Variants in MAP2K5 observed in about 807,000 individuals in gnomAD.
MAP2K5 encodes mitogen-activated protein kinase kinase 5.
MAP2K5 carries 49 observed loss-of-function variants against 83.1 expected under a neutral mutation model. The observed-to-expected ratio is 0.59, with a 90% CI of 0.47 to 0.75. The LOEUF is 0.75. MAP2K5 is among the 30% of genes least tolerant of loss of function. MAP2K5 has a pLI of 0.00. For missense variants in MAP2K5, 457 were observed against 557.5 expected (o/e 0.82, Z 1.82); for synonymous variants, 202 against 191.8 (o/e 1.05, Z -0.44).
At position 67,543,525 on chromosome 15, in the gene MAP2K5, T is replaced by C; in HGVS notation, c.135+55T>C. On this transcript the variant is annotated intron_variant, in intron 1 of 21. Transcript: ENST00000178640. The surrounding 1 kb of genome is among the most constrained non-coding windows in gnomAD (Gnocchi z 4.3). The stretch of plus-strand genomic sequence containing the variant: ...AGCAAGGGGGACTCAGGGACTTGAG[T>C]AGTCAGCACCTTGACCACTGGTGAC... The C allele has an allele frequency of 3.7e-6, 6 of 1,606,358 alleles. No individual in the cohort carries two copies. Among genetic ancestry groups the C allele is most frequent in the Non-Finnish European group, 4.3e-6 (5 of 1,174,244 alleles).
chr15:67,658,781 C>T (rs1041941800), intron 12 of MAP2K5, 167 bp downstream of exon 12: 4 of 657,708 alleles, frequency 6.1e-6, no homozygotes, highest in Non-Finnish European at 1.1e-5. Context: ...ACCAGCCCAC[C>T]CAACATCACA....
At chr15:67,694,759 G>C (rs1201936753) in intron 15 of MAP2K5, among the ~76,000 whole-genome samples, 1 of 151,884 alleles carries the variant, frequency 6.6e-6, no homozygotes, top group East Asian at 1.9e-4. Flanking sequence ...CCATTACCAG[G>C]TATATACCCA....
chr15:67,578,915 TC>T (rs962176506), intron 3 of MAP2K5, among the ~76,000 whole-genome samples: 8 of 152,228 alleles, frequency 5.3e-5, no homozygotes, highest in Non-Finnish European at 1.0e-4. Context: ...GTTTTAGACA[TC>T]TCTATAATTA....
intron 6 of MAP2K5, among the ~76,000 whole-genome samples, chr15:67,588,761 T>C (rs1267873906): frequency 6.6e-6 from 1 of 152,236 alleles, no homozygotes; most frequent in Middle Eastern, 3.2e-3. Context: ...AGTGTCTCTC[T>C]TCAGGTGTTG....
At chr15:67,669,963 A>C (rs769467430) in intron 13 of MAP2K5, among the ~76,000 whole-genome samples, 2 of 152,182 alleles carry the variant, frequency 1.3e-5, no homozygotes, top group Non-Finnish European at 2.9e-5. Flanking sequence ...AGAGAAAGGA[A>C]AACATATGTC....
chr15:67,701,072 G>A (rs1379556895), intron 15 of MAP2K5, among the ~76,000 whole-genome samples: 1 of 151,896 alleles, frequency 6.6e-6, no homozygotes, highest in Non-Finnish European at 1.5e-5. Context: ...TTCCACTTTT[G>A]TGTGTGTGCG....
chr15:67,724,934 T>TAA lies in MAP2K5; in HGVS notation c.1045-2981_1045-2980dup, dbSNP rs892362036. Among the ~76,000 whole-genome samples, 2 of 152,224 alleles carry TAA rather than the reference T, an allele frequency of 1.3e-5. No individual in the cohort carries two copies. The highest frequency in any genetic ancestry group is 1.3e-4 in the Admixed American group (2 of 15,282). Reference sequence around the variant, plus strand: ...TGCAATTGCAGCGGTACCTACTAGTTAAGATCAAAGAACCATTCTCTGTCT... The same window carrying TAA: ...TGCAATTGCAGCGGTACCTACTAGTTAAAAGATCAAAGAACCATTCTCTGTCT... On this transcript the variant is annotated intron_variant, in intron 16 of 21. Coordinates refer to ENST00000178640, the MANE Select transcript of MAP2K5 (RefSeq NM_145160.3). This position sits in a 1 kb window ranked among gnomAD's most constrained non-coding sequence, Gnocchi z 4.4.
At chr15:67,586,046 AT>A (rs1376912731) in intron 5 of MAP2K5, 116 bp downstream of exon 5, 84 of 939,146 alleles carry the variant, frequency 8.9e-5, no homozygotes, top group Non-Finnish European at 1.2e-4. Flanking sequence ...CGATCCTTTT[AT>A]TTTTTTTAAA....
intron 21 of MAP2K5, among the ~76,000 whole-genome samples, chr15:67,792,587 C>T (rs2090537367): frequency 6.6e-6 from 1 of 152,184 alleles, no homozygotes; most frequent in Admixed American, 6.5e-5. Context: ...CCTGACCTTG[C>T]AACTACAAAA....
chr15:67,787,223 C>T (rs12593698), intron 21 of MAP2K5, among the ~76,000 whole-genome samples: 12,468 of 152,324 alleles, frequency 0.082, 684 homozygotes, highest in Admixed American at 0.1. Flanking sequence ...AATGTCCTAA[C>T]CCTTTGGCTG....
intron 8 of MAP2K5, among the ~76,000 whole-genome samples, chr15:67,624,466 C>T (rs1250784027): frequency 6.6e-6 from 1 of 151,934 alleles, no homozygotes; most frequent in African/African-American, 2.4e-5. Context: ...GCTTCCTTGC[C>T]TGGAGCAATT....
At position 67,711,407 on chromosome 15, in the gene MAP2K5, C is replaced by G. The variant is rs76616765; in HGVS notation, c.1044+7999C>G. ...ACTTCAGCCAGCCTAAGCTATAGAA[C>G]CTTCGGTAAATTACTTAACTTCTCT... On this transcript the variant is annotated intron_variant, in intron 16 of 21. Coordinates refer to ENST00000178640, the MANE Select transcript of MAP2K5 (RefSeq NM_145160.3). 7.9e-3 allele frequency among the ~76,000 whole-genome samples: 1,198 copies of G among 152,284 alleles called. 4 individuals are homozygous for G. Among genetic ancestry groups the G allele is most frequent in the Non-Finnish European group, 0.013 (896 of 68,018 alleles).
chr15:67,600,244 TGAG>T (rs1276513524), intron 7 of MAP2K5, among the ~76,000 whole-genome samples: 3 of 152,324 alleles, frequency 2.0e-5, no homozygotes, highest in South Asian at 2.1e-4. Flanking sequence ...GGGGGTCATC[TGAG>T]GAGTTTTCTA....
At chr15:67,589,783 ATGTGTGTGTGTGTGTGTG>A in intron 6 of MAP2K5, among the ~76,000 whole-genome samples, 1 of 150,134 alleles carries the variant, frequency 6.7e-6, no homozygotes, top group East Asian at 2.0e-4. Flanking sequence ...GTGTGTGTGT[ATGTGTGTGTGTGTGTGTG>A]TGTGTGTGTG....
At chr15:67,590,396 C>CTCCT in intron 6 of MAP2K5, among the ~76,000 whole-genome samples, 1 of 132,674 alleles carries the variant, frequency 7.5e-6, no homozygotes, top group African/African-American at 2.8e-5. Context: ...TCCTTTCTTG[C>CTCCT]TCCTTCCTTC....
intron 15 of MAP2K5, among the ~76,000 whole-genome samples, chr15:67,701,932 C>T (rs758758536): frequency 1.3e-5 from 2 of 152,162 alleles, no homozygotes; most frequent in Admixed American, 6.5e-5. Flanking sequence ...ATCCTGGCTC[C>T]GCTCCTGGAC....
chr15:67,673,594 C>A (rs2087602000), intron 13 of MAP2K5, among the ~76,000 whole-genome samples: 1 of 151,422 alleles, frequency 6.6e-6, no homozygotes, highest in Non-Finnish European at 1.5e-5. Context: ...GGATTTGGGG[C>A]AAAAATAAAT....
rs1235579087 is a variant in MAP2K5 at position 67,793,691 on chromosome 15, T to A, written c.1243-12955T>A. On this transcript the variant is annotated intron_variant, in intron 21 of 21. Coordinates refer to ENST00000178640, the MANE Select transcript of MAP2K5 (RefSeq NM_145160.3). This position sits in a 1 kb window ranked among gnomAD's most constrained non-coding sequence, Gnocchi z 4.6. Reference sequence around the variant, plus strand: ...AAGGGTGTCAAAGTATAGTGGTCTATAGATTGTAAAGTGCCCCTAGATTTG... The same window carrying A: ...AAGGGTGTCAAAGTATAGTGGTCTAAAGATTGTAAAGTGCCCCTAGATTTG... Among the ~76,000 whole-genome samples the A allele has an allele frequency of 6.6e-6, 1 of 152,248 alleles. No individual in the cohort carries two copies. The highest frequency in any genetic ancestry group is 1.5e-5 in the Non-Finnish European group (1 of 68,038).
At chr15:67,580,878 A>C (rs1240850235) in intron 4 of MAP2K5, 55 bp downstream of exon 4, 1 of 1,168,332 alleles carries the variant, frequency 8.6e-7, no homozygotes, top group Non-Finnish European at 1.3e-6. Context: ...CTGTTTCATC[A>C]ACAGTTATGT....
Sources: allele counts gnomAD v4.1 joint callset (sites outside exome capture counted in the v4.1 genomes callset), GRCh38; gene constraint gnomAD v4.1.1; non-coding constraint Gnocchi (gnomAD v3.1); transcripts MANE v1.5; gene names NCBI Gene and HGNC (gene_info 2026-07-23, HGNC 2026-07-21).